SNX31: variants seen among roughly 807,000 people sequenced by gnomAD.
The protein encoded by SNX31 is sorting nexin-31.
A neutral mutation model predicts 65.4 loss-of-function variants in SNX31; 58 were observed. The ratio of observed to expected loss-of-function variants is 0.89; its 90% CI spans 0.72 to 1.10. The LOEUF is 1.10. Among genes scored for constraint, SNX31 ranks in the 50% least tolerant of loss-of-function variants. SNX31 has a pLI of 0.00. For missense variants in SNX31, 523 were observed against 529.7 expected (o/e 0.99, Z 0.12); for synonymous variants, 181 against 190.1 (o/e 0.95, Z 0.39).
intron 10 of SNX31, among the ~76,000 whole-genome samples, chr8:100,591,117 T>A (rs1172636319): frequency 1.3e-5 from 2 of 152,132 alleles, no homozygotes; most frequent in Admixed American, 1.3e-4. Context: ...TTTGGCTGAA[T>A]AACGATCTAC....
intron 4 of SNX31, among the ~76,000 whole-genome samples, chr8:100,621,244 T>G (rs1323709728): frequency 6.6e-6 from 1 of 152,160 alleles, no homozygotes; most frequent in Non-Finnish European, 1.5e-5. Context: ...AGGTTCTAAA[T>G]AGGGTAAACA....
chr8:100,629,127 A>G lies in SNX31; in HGVS notation c.321+1200T>C, dbSNP rs61652100. ...CAGAACGAATCCACATTTTTAAGTG[A>G]CACATGATTGTGTGTGTGCATGTAT... On this transcript the variant is annotated intron_variant, in intron 4 of 13. Transcript: ENST00000311812. This position sits in a 1 kb window ranked among gnomAD's most constrained non-coding sequence, Gnocchi z 5.1. 0.16 allele frequency among the ~76,000 whole-genome samples: 24,131 copies of G among 152,014 alleles called. 2,172 individuals are homozygous for G. Among genetic ancestry groups the G allele is most frequent in the South Asian group, 0.24 (1,133 of 4,804 alleles).
At chr8:100,649,236 T>C in intron 2 of SNX31, 38 bp downstream of exon 2, 4 of 1,598,374 alleles carry the variant, frequency 2.5e-6, no homozygotes, top group Non-Finnish European at 3.4e-6. Context: ...TCCACCTGTC[T>C]CAGTGGATGG....
At chr8:100,582,685 A>G (rs1813653619) in intron 12 of SNX31, 1 of 152,214 alleles carries the variant, frequency 6.6e-6, no homozygotes, top group Admixed American at 6.5e-5. Context: ...AAAACATTAG[A>G]AAAGTTTCCT....
intron 4 of SNX31, chr8:100,618,471 C>A: frequency 1.5e-6 from 1 of 668,590 alleles, no homozygotes; most frequent in Admixed American, 2.5e-5. Flanking sequence ...GGCTGTCCAA[C>A]AATTCAATTC....
At chr8:100,597,428 G>T (rs1405532415) in intron 9 of SNX31, among the ~76,000 whole-genome samples, 1 of 152,240 alleles carries the variant, frequency 6.6e-6, no homozygotes, top group East Asian at 1.9e-4. Context: ...TTTTAGTGGA[G>T]ACAGGGTTTC....
rs1045683711 is a variant in SNX31, at chr8:100,659,181, A to T, written c.-58+3961T>A. On this transcript the variant is annotated intron_variant, in intron 1 of 5. Coordinates refer to the SNX31 transcript ENST00000520352. ...GCCAACATGGTGAAACCCCATCTCT[A>T]CTAAAAATATAAAAATTAGCCGGGC... 1.1e-4 allele frequency among the ~76,000 whole-genome samples: 17 copies of T among 152,120 alleles called. No individual in the cohort carries two copies. In the South Asian group the frequency reaches 3.5e-3, roughly 32 times the overall value.
intron 1 of SNX31, among the ~76,000 whole-genome samples, chr8:100,662,349 G>A (rs1809801883): frequency 6.6e-6 from 1 of 152,220 alleles, no homozygotes; most frequent in Admixed American, 6.5e-5. Flanking sequence ...TCAGGGGCAG[G>A]AGTAGGGAGA....
At chr8:100,599,346 T>G (rs1226494707) in intron 9 of SNX31, among the ~76,000 whole-genome samples, 1 of 152,210 alleles carries the variant, frequency 6.6e-6, no homozygotes, top group Non-Finnish European at 1.5e-5. Flanking sequence ...TTGGTTGTGG[T>G]GTACACAGTT....
Position 100,630,296 on chromosome 8 carries a change from T to C in SNX31, c.321+31A>G. ...TCATGAAGAGTGTCCTGCAGAGGAATGATGGCCCCATTAAAGAAGAGCAAG... is the reference window on the plus strand; with the variant it reads ...TCATGAAGAGTGTCCTGCAGAGGAACGATGGCCCCATTAAAGAAGAGCAAG... On this transcript the variant is annotated intron_variant, in intron 4 of 13. Coordinates refer to ENST00000311812, the MANE Select transcript of SNX31 (RefSeq NM_152628.4). The surrounding 1 kb of genome is among the most constrained non-coding windows in gnomAD (Gnocchi z 5.3). The C allele has an allele frequency of 6.2e-7, 1 of 1,607,478 alleles. No individual in the cohort carries two copies. Among genetic ancestry groups the C allele is most frequent in the Non-Finnish European group, 8.5e-7 (1 of 1,174,366 alleles).
chr8:100,659,332 C>T (rs987103690), intron 1 of SNX31, among the ~76,000 whole-genome samples: 145 of 118,740 alleles, frequency 1.2e-3, no homozygotes, highest in Non-Finnish European at 2.0e-3. Flanking sequence ...CCAGCCTGGG[C>T]GACAGAGCAA....
intron 12 of SNX31, among the ~76,000 whole-genome samples, chr8:100,581,319 C>CTATATATATATATA (rs1261112864): frequency 8.1e-6 from 1 of 123,072 alleles, no homozygotes; most frequent in African/African-American, 3.9e-5. Context: ...TTTTATATAT[C>CTATATATATATATA]TATATCTATC....
At chr8:100,581,319 C>CTATATATATATATCTATATATATATA (rs1261112864) in intron 12 of SNX31, among the ~76,000 whole-genome samples, 23 of 123,054 alleles carry the variant, frequency 1.9e-4, no homozygotes, top group African/African-American at 9.0e-4. Context: ...TTTTATATAT[C>CTATATATATATATCTATATATATATA]TATATCTATC....
In SNX31 at chr8:100,588,411, C is replaced by T. The variant is rs1814247197; in HGVS notation, c.1092+455G>A. ...ACTAAGATCATAAAAATCTGTATTGCCTAAGTCAGGGGTTGGCAAACAAGG... is the reference window on the plus strand; with the variant it reads ...ACTAAGATCATAAAAATCTGTATTGTCTAAGTCAGGGGTTGGCAAACAAGG... On this transcript the variant is annotated intron_variant, in intron 11 of 13. Transcript: ENST00000311812. This position sits in a 1 kb window ranked among gnomAD's most constrained non-coding sequence, Gnocchi z 4.8. 6.6e-6 allele frequency among the ~76,000 whole-genome samples: 1 copy of T among 152,174 alleles called. No homozygotes were observed. Among genetic ancestry groups the T allele is most frequent in the South Asian group, 2.1e-4 (1 of 4,832 alleles).
At chr8:100,584,872 G>A (rs1813894495) in intron 11 of SNX31, among the ~76,000 whole-genome samples, 1 of 150,818 alleles carries the variant, frequency 6.6e-6, no homozygotes, top group African/African-American at 2.4e-5. Context: ...GCTTCAGCAC[G>A]CTGCCATGCC....
chr8:100,577,417 T>C (rs766811709), intron 12 of SNX31, among the ~76,000 whole-genome samples: 2 of 152,252 alleles, frequency 1.3e-5, no homozygotes, highest in Non-Finnish European at 2.9e-5. Flanking sequence ...ATCCATATGC[T>C]GACTCAAAGC....
chr8:100,586,507 T>C (rs920366868), intron 11 of SNX31, among the ~76,000 whole-genome samples: 1 of 152,210 alleles, frequency 6.6e-6, no homozygotes, highest in African/African-American at 2.4e-5. Flanking sequence ...CTGCCTAGAT[T>C]GAAAAATCAT....
Position 100,573,938 on chromosome 8 carries a change from A to G in SNX31, c.1250T>C (p.Leu417Pro), listed in dbSNP as rs1477070757. 6.3e-7 allele frequency: 1 copy of G among 1,581,618 alleles called. No homozygotes were observed. Among genetic ancestry groups the G allele is most frequent in the South Asian group, 1.2e-5 (1 of 86,752 alleles). The change falls in exon 14 of 14, where the codon CTA (leucine) becomes CCA (proline). Residue 417 changes from leucine to proline, a missense_variant. Physicochemically the swap from Leu to Pro is moderately conservative, Grantham distance 98. Transcript: ENST00000311812. ...TATCTTAATCTTGCTTTTTCTTGAT[A>G]GAAAACTAGAATAGTCTTTCTGCTG... ...QSQQKDYSSF[L>P]SRKSKIKIAK...
intron 12 of SNX31, among the ~76,000 whole-genome samples, chr8:100,581,333 C>CTATATCTA: frequency 7.3e-6 from 1 of 137,202 alleles, no homozygotes; most frequent in South Asian, 2.2e-4. Context: ...ATCTATCTAT[C>CTATATCTA]TATCTATATA....
Sources: gnomAD v4.1 joint callset for allele counts (sites outside exome capture counted in the v4.1 genomes callset) on GRCh38, gnomAD v4.1.1 for gene constraint, Gnocchi (gnomAD v3.1) non-coding constraint, MANE v1.5 for transcripts, NCBI Gene and HGNC (gene_info 2026-07-23, HGNC 2026-07-21) for gene names.